SMAD6: variants seen among roughly 807,000 people sequenced by gnomAD.
The protein encoded by SMAD6 is MAD homolog 6.
Under a neutral mutation model 39.4 loss-of-function variants are expected in SMAD6, and 103 were observed. That is an observed-to-expected ratio of 2.62 (90% CI 2.23 to 3.08). The LOEUF (loss-of-function observed/expected upper bound fraction) is 3.08, where lower values mean the gene tolerates loss of function less well. Among genes scored for constraint, SMAD6 ranks in the 30% most tolerant of loss-of-function variants. SMAD6 has a pLI of 0.00. For missense variants in SMAD6, 1,104 were observed against 742.9 expected, an observed-to-expected ratio of 1.49 and a Z score of -5.65; for synonymous variants, 445 against 353.3, an observed-to-expected ratio of 1.26 and a Z score of -2.91.
At chr15:66,725,074 G>GTAA (rs1893499719) in intron 3 of SMAD6, among the ~76,000 whole-genome samples, 1 of 152,238 alleles carries the variant, frequency 6.6e-6, no homozygotes, top group East Asian at 1.9e-4. Context: ...ATCGGGAACT[G>GTAA]CGCTCGAAAG....
In SMAD6 at chr15:66,703,487, G is replaced by GGGA. The variant is rs1893025980; in HGVS notation, c.229_230insGGA (p.Ala77delinsGlyThr). On this transcript the variant is annotated protein_altering_variant, in exon 1 of 4. Coordinates refer to ENST00000288840, the MANE Select transcript of SMAD6 (RefSeq NM_005585.5). ...CCGGGACGCAGTGGGACAGCGAGGC[G>GGGA]CCCAGGGCGCGGGGAGGCGCCGGCG... The GGGA allele has an allele frequency of 8.1e-7, 1 of 1,234,164 alleles. No homozygotes were observed. The highest frequency in any genetic ancestry group is 1.6e-5 in the African/African-American group (1 of 63,788). 76.5% of individuals were successfully genotyped at this position (1,234,164 alleles called of 1,614,324 possible).
At chr15:66,750,863 G>A (rs1893992588) in intron 3 of SMAD6, among the ~76,000 whole-genome samples, 1 of 152,186 alleles carries the variant, frequency 6.6e-6, no homozygotes, top group Non-Finnish European at 1.5e-5. Flanking sequence ...CCAGCACTCA[G>A]GCAGAGCAAG....
chr15:66,705,495 C>T (rs531445661), intron 1 of SMAD6: 7 of 141,814 alleles, frequency 4.9e-5, no homozygotes, highest in African/African-American at 1.8e-4. Context: ...GACTTTCTCC[C>T]CTCTGCCAAC....
At chr15:66,717,266 T>TGCATACCTTGTGG (rs1893347852) in intron 3 of SMAD6, 7 of 555,000 alleles carry the variant, frequency 1.3e-5, no homozygotes, top group Non-Finnish European at 2.2e-5. Flanking sequence ...AGGCTGGGGC[T>TGCATACCTTGTGG]GCATACCTTG....
chr15:66,742,232 C>T (rs1893827972), intron 3 of SMAD6, among the ~76,000 whole-genome samples: 1 of 152,180 alleles, frequency 6.6e-6, no homozygotes, highest in Admixed American at 6.5e-5. Context: ...TCCCCTTTCT[C>T]AGCCTACTTC....
intron 3 of SMAD6, among the ~76,000 whole-genome samples, chr15:66,728,051 C>T (rs910275987): frequency 1.2e-4 from 18 of 152,282 alleles, no homozygotes; most frequent in Admixed American, 1.0e-3. Flanking sequence ...TGGGGTTTCT[C>T]CATGTTGGTC....
In SMAD6 at chr15:66,703,107, C is replaced by G; in HGVS notation, c.-152C>G. 2.0e-6 allele frequency: 1 copy of G among 505,108 alleles called. No homozygotes were observed. Among genetic ancestry groups the G allele is most frequent in the Non-Finnish European group, 3.3e-6 (1 of 306,168 alleles). 31.3% of individuals were successfully genotyped at this position (505,108 alleles called of 1,614,324 possible). Reference sequence around the variant, plus strand: ...CTCATGTTGTCGCCCTGCGGCGCCCCTTCGACGACAGGCTGTGCGCGGTCT... The same window carrying G: ...CTCATGTTGTCGCCCTGCGGCGCCCGTTCGACGACAGGCTGTGCGCGGTCT... On this transcript the variant is annotated 5_prime_UTR_variant, in exon 1 of 4. Coordinates refer to ENST00000288840, the MANE Select transcript of SMAD6 (RefSeq NM_005585.5).
At chr15:66,724,847 G>A (rs531462893) in intron 3 of SMAD6, among the ~76,000 whole-genome samples, 61 of 115,136 alleles carry the variant, frequency 5.3e-4, no homozygotes, top group African/African-American at 1.6e-3. Flanking sequence ...GCAGGGTGTC[G>A]GGTGCCTGTC....
intron 3 of SMAD6, among the ~76,000 whole-genome samples, chr15:66,729,218 GT>G (rs1284630004): frequency 6.6e-6 from 1 of 152,094 alleles, no homozygotes; most frequent in African/African-American, 2.4e-5. Context: ...ACTGAGTCCT[GT>G]CCCCCTGCGT....
Position 66,781,096 on chromosome 15 carries a change from A to AC in SMAD6, c.1054dup (p.Gln352ProfsTer213). The AC allele has an allele frequency of 6.2e-7, 1 of 1,608,394 alleles. No individual in the cohort carries two copies. The highest frequency in any genetic ancestry group is 8.5e-7 in the Non-Finnish European group (1 of 1,179,498). On this transcript the variant is annotated frameshift_variant, in exon 4 of 4. Coordinates refer to ENST00000288840, the MANE Select transcript of SMAD6 (RefSeq NM_005585.5). LOFTEE classifies it high-confidence loss of function. Reference sequence around the variant, plus strand: ...GTGGGCCGCCTCTATGCGGTGTACGACCAGGCCGTCAGCATCTTCTACGAC... The same window carrying AC: ...GTGGGCCGCCTCTATGCGGTGTACGACCCAGGCCGTCAGCATCTTCTACGAC...
chr15:66,737,566 C>T (rs1321451015), intron 3 of SMAD6, among the ~76,000 whole-genome samples: 2 of 152,066 alleles, frequency 1.3e-5, no homozygotes, highest in Middle Eastern at 3.2e-3. Flanking sequence ...AGTGGGGTCC[C>T]GTCTTTCCTC....
rs1021129622 is a variant in SMAD6 at position 66,702,879 on chromosome 15, G to A, written c.-380G>A. ...TTAGGGGTTCGCGCGAGCGCTTTGT[G>A]CTCATGGACCAGCCGCACAACTTTT... On this transcript the variant is annotated 5_prime_UTR_variant, in exon 1 of 4. Transcript: ENST00000288840. 5.3e-6 allele frequency: 1 copy of A among 189,136 alleles called. No homozygotes were observed. The highest frequency in any genetic ancestry group is 2.3e-5 in the African/African-American group (1 of 42,922). The allele number at this position is 189,136 out of a possible 1,614,324, so 11.7% of individuals were successfully genotyped here. A position where few individuals can be genotyped will look rare whatever the true frequency, so the allele number is the denominator to read the frequency against.
chr15:66,739,325 G>A (rs549778645), intron 3 of SMAD6, among the ~76,000 whole-genome samples: 55 of 152,086 alleles, frequency 3.6e-4, no homozygotes, highest in Admixed American at 2.4e-3. Flanking sequence ...TCCTGACCTC[G>A]TGATCTGCCC....
chr15:66,751,016 C>A (rs1475667616), intron 3 of SMAD6, among the ~76,000 whole-genome samples: 1 of 152,142 alleles, frequency 6.6e-6, no homozygotes, highest in Non-Finnish European at 1.5e-5. Context: ...CCCAGAGACA[C>A]CCCCACCCCC....
chr15:66,745,177 G>A (rs576188934), intron 3 of SMAD6, among the ~76,000 whole-genome samples: 71 of 152,126 alleles, frequency 4.7e-4, no homozygotes, highest in Non-Finnish European at 9.0e-4. Context: ...CTCTTCCCTG[G>A]CTGCCCCTCT....
At chr15:66,720,572 G>A (rs1893415013) in intron 3 of SMAD6, among the ~76,000 whole-genome samples, 1 of 152,156 alleles carries the variant, frequency 6.6e-6, no homozygotes, top group Non-Finnish European at 1.5e-5. Flanking sequence ...GCTCCCCTCT[G>A]CTGTCTTATT....
Position 66,703,461 on chromosome 15 carries a change from C to T in SMAD6, c.203C>T (p.Pro68Leu). The T allele has an allele frequency of 7.9e-7, 1 of 1,266,328 alleles. No homozygotes were observed. The highest frequency in any genetic ancestry group is 1.0e-6 in the Non-Finnish European group (1 of 1,002,704). 78.4% of individuals were successfully genotyped at this position (1,266,328 alleles called of 1,614,324 possible). ...SEVRPVAPRR[P>L]RDAVGQRGAQ... ...GTCCGCCCGGTAGCCCCGCGGCGGC[C>T]CCGGGACGCAGTGGGACAGCGAGGC... The change falls in exon 1 of 4, where the codon CCC becomes CTC. Residue 68 changes from proline (P) to leucine (L), a missense_variant. Physicochemically the swap from Pro to Leu is moderately conservative, Grantham distance 98. Coordinates refer to ENST00000288840, the MANE Select transcript of SMAD6 (RefSeq NM_005585.5).
At chr15:66,761,687 T>C (rs1894202375) in intron 3 of SMAD6, among the ~76,000 whole-genome samples, 1 of 152,184 alleles carries the variant, frequency 6.6e-6, no homozygotes, top group African/African-American at 2.4e-5. Context: ...ATCTCTGCTC[T>C]CTGGGCCTTA....
In SMAD6 at chr15:66,703,760, C is replaced by T. The variant is rs1465389619; in HGVS notation, c.502C>T (p.Leu168=). The T allele has an allele frequency of 9.9e-6, 14 of 1,410,302 alleles. No homozygotes were observed. Among genetic ancestry groups the T allele is most frequent in the South Asian group, 1.5e-5 (1 of 68,668 alleles). The allele number at this position is 1,410,302 out of a possible 1,614,324, so 87.4% of individuals were successfully genotyped here. A position where few individuals can be genotyped will look rare whatever the true frequency, so the allele number is the denominator to read the frequency against. The stretch of plus-strand genomic sequence containing the variant: ...CGAAGCGCGCTCGCGGCTGCTGCTG[C>T]TGGAGCAGGAACTCAAAACCGTCAC... ...SREARSRLLL[L]EQELKTVTYS... Residue 168 remains leucine, a synonymous_variant, in exon 1 of 4, where the codon CTG becomes TTG. Coordinates refer to ENST00000288840, the MANE Select transcript of SMAD6 (RefSeq NM_005585.5).
Sources: allele counts gnomAD v4.1 joint callset (sites outside exome capture counted in the v4.1 genomes callset), GRCh38; gene constraint gnomAD v4.1.1; transcripts MANE v1.5; gene names NCBI Gene and HGNC (gene_info 2026-07-23, HGNC 2026-07-21).